The following KCNN2 variants were observed in gnomAD, a reference collection of about 807,000 sequenced individuals.
KCNN2 encodes the protein potassium calcium-activated channel subfamily N member 2.
KCNN2 carries 24 observed loss-of-function variants against 55.5 expected under a neutral mutation model. That is an observed-to-expected ratio of 0.43 (90% CI 0.31 to 0.61). The LOEUF (loss-of-function observed/expected upper bound fraction) is 0.61. KCNN2 is among the 20% of genes least tolerant of loss of function. The probability of loss-of-function intolerance (pLI) is 0.08; values close to 1 mark genes in which losing one functional copy is unlikely to be tolerated. For synonymous variants in KCNN2, 431 were observed against 336.1 expected (o/e 1.28, Z -3.09); for missense variants, 754 against 853.6 (o/e 0.88, Z 1.45).
intron 5 of KCNN2, among the ~76,000 whole-genome samples, chr5:114,479,010 C>T (rs978794893): frequency 6.6e-6 from 1 of 151,410 alleles, no homozygotes; most frequent in Non-Finnish European, 1.5e-5. Flanking sequence ...AAATAACCAG[C>T]TAGCATCATG....
intron 1 of KCNN2, among the ~76,000 whole-genome samples, chr5:114,078,428 T>C (rs1447005063): frequency 6.6e-6 from 1 of 152,178 alleles, no homozygotes; most frequent in Non-Finnish European, 1.5e-5. Flanking sequence ...ATTCAGCGCC[T>C]GTCTTGTGTC....
intron 2 of KCNN2, among the ~76,000 whole-genome samples, chr5:114,265,750 C>T (rs1319384303): frequency 2.0e-5 from 3 of 152,212 alleles, no homozygotes; most frequent in Non-Finnish European, 2.9e-5. Flanking sequence ...AATGTCTGGG[C>T]ACCCCATGAC....
intron 2 of KCNN2, among the ~76,000 whole-genome samples, chr5:114,319,252 G>GC (rs1357773136): frequency 6.6e-6 from 1 of 152,152 alleles, no homozygotes. Flanking sequence ...GGTTCTTCCA[G>GC]CCCTCTCCAT....
intron 1 of KCNN2, among the ~76,000 whole-genome samples, chr5:114,084,110 T>C (rs550639335): frequency 6.6e-6 from 1 of 152,276 alleles, no homozygotes; most frequent in African/African-American, 2.4e-5. Context: ...TTCGTCTTTT[T>C]GGCAAATATG....
intron 3 of KCNN2, among the ~76,000 whole-genome samples, chr5:114,438,146 G>C (rs1370389667): frequency 6.6e-6 from 1 of 152,182 alleles, no homozygotes; most frequent in Non-Finnish European, 1.5e-5. Flanking sequence ...ACATTTGAGT[G>C]TTGTGGTCTG....
chr5:114,455,503 G>A (rs1390949191), intron 3 of KCNN2, among the ~76,000 whole-genome samples: 13 of 152,282 alleles, frequency 8.5e-5, no homozygotes, highest in African/African-American at 2.4e-5. Flanking sequence ...GAAACGCAGT[G>A]ATACTTAAAT....
At chr5:114,423,978 T>C (rs114155618) in intron 3 of KCNN2, among the ~76,000 whole-genome samples, 1,572 of 152,302 alleles carry the variant, frequency 0.01, 30 homozygotes, top group African/African-American at 0.036. Flanking sequence ...GAAGAATTTA[T>C]GAAGAAGGGT....
At chr5:114,451,283 A>G (rs1385383063) in intron 3 of KCNN2, among the ~76,000 whole-genome samples, 1 of 152,216 alleles carries the variant, frequency 6.6e-6, no homozygotes, top group Non-Finnish European at 1.5e-5. Flanking sequence ...ACTTTATTTT[A>G]AAGTAAGCTT....
At chr5:114,212,809 C>T (rs1412111468) in intron 1 of KCNN2, among the ~76,000 whole-genome samples, 1 of 151,838 alleles carries the variant, frequency 6.6e-6, no homozygotes, top group African/African-American at 2.4e-5. Flanking sequence ...CATTAGAGTC[C>T]AGATTATAGG....
chr5:114,413,496 C>G (rs1399258237), intron 3 of KCNN2, among the ~76,000 whole-genome samples: 3 of 152,138 alleles, frequency 2.0e-5, no homozygotes, highest in Admixed American at 2.0e-4. Context: ...CCATGTTGGC[C>G]AGGCTGGTCT....
At chr5:114,359,619 TATG>T (rs1172852022), upstream of KCNN2, among the ~76,000 whole-genome samples, 1 of 152,216 alleles carries the variant, frequency 6.6e-6, no homozygotes, top group Non-Finnish European at 1.5e-5. Flanking sequence ...CAACAACTAT[TATG>T]ATATTTCAGG....
At chr5:114,401,050 G>T (rs1354860594) in intron 2 of KCNN2, among the ~76,000 whole-genome samples, 1 of 148,130 alleles carries the variant, frequency 6.8e-6, no homozygotes, top group Non-Finnish European at 1.5e-5. Context: ...CATCATAAAT[G>T]CTGCTGTATG....
intron 1 of KCNN2, among the ~76,000 whole-genome samples, chr5:114,214,451 T>C (rs1226193725): frequency 6.6e-6 from 1 of 152,104 alleles, no homozygotes; most frequent in Non-Finnish European, 1.5e-5. Context: ...CCAGATTGAT[T>C]ATTACATTCT....
intron 7 of KCNN2, 64 bp from the exon 8 acceptor site, chr5:114,495,831 G>C: frequency 6.7e-7 from 1 of 1,484,820 alleles, no homozygotes; most frequent in Non-Finnish European, 9.2e-7. Flanking sequence ...CTAAACCTCT[G>C]AGAGGTGGAC....
At chr5:114,424,024 A>C (rs1220505831) in intron 3 of KCNN2, among the ~76,000 whole-genome samples, 1 of 152,130 alleles carries the variant, frequency 6.6e-6, no homozygotes, top group Non-Finnish European at 1.5e-5. Context: ...GAACTGATGC[A>C]TGGGAAAATA....
chr5:114,363,397 C>G (rs2150046184), intron 1 of KCNN2, 136 bp downstream of exon 1: 1 of 1,113,336 alleles, frequency 9.0e-7, no homozygotes, highest in East Asian at 2.6e-5. Flanking sequence ...ACAGCGGGCG[C>G]GTCTAGGACG....
intron 2 of KCNN2, among the ~76,000 whole-genome samples, chr5:114,289,449 T>A (rs954282787): frequency 1.3e-5 from 2 of 151,112 alleles, no homozygotes; most frequent in Non-Finnish European, 2.9e-5. Flanking sequence ...ATCTCTCTGC[T>A]CACTGTTACC....
At chr5:114,488,005 G>A (rs1747656573) in intron 6 of KCNN2, among the ~76,000 whole-genome samples, 1 of 152,132 alleles carries the variant, frequency 6.6e-6, no homozygotes, top group Non-Finnish European at 1.5e-5. Flanking sequence ...TTGTCTCTCA[G>A]AGCCAACTAG....
At chr5:114,403,757 A>T (rs574987244) in intron 2 of KCNN2, among the ~76,000 whole-genome samples, 5 of 152,072 alleles carry the variant, frequency 3.3e-5, no homozygotes, top group African/African-American at 1.2e-4. Flanking sequence ...GTTTTCATTG[A>T]TTGTGGTGTA....
Sources: allele counts gnomAD v4.1 joint callset (sites outside exome capture counted in the v4.1 genomes callset), GRCh38; gene constraint gnomAD v4.1.1; transcripts MANE v1.5; gene names NCBI Gene and HGNC (gene_info 2026-07-23, HGNC 2026-07-21).